The following SQLE variants were observed in gnomAD, a reference collection of about 807,000 sequenced individuals.
The protein encoded by SQLE is squalene monooxygenase.
Under a neutral mutation model 60.7 loss-of-function variants are expected in SQLE, and 29 were observed. That is an observed-to-expected ratio of 0.48 (90% CI 0.36 to 0.65). The LOEUF is 0.65. Among genes scored for constraint, SQLE ranks in the 30% least tolerant of loss-of-function variants. SQLE has a pLI of 0.00. For synonymous variants in SQLE, 237 were observed against 246.8 expected (o/e 0.96, Z 0.37); for missense variants, 605 against 684.1 (o/e 0.88, Z 1.29).
intron 3 of SQLE, 121 bp from the exon 4 acceptor site, chr8:125,007,270 C>T (rs1183704501): frequency 1.9e-6 from 1 of 529,288 alleles, no homozygotes; most frequent in African/African-American, 1.9e-5. Context: ...ACACATTGGA[C>T]ACGTGTTTGC....
chr8:125,001,363 A>G (rs1814845656), intron 1 of SQLE, among the ~76,000 whole-genome samples: 1 of 151,308 alleles, frequency 6.6e-6, no homozygotes, highest in Non-Finnish European at 1.5e-5. Context: ...TTAGATTGTG[A>G]TCTATTGACT....
At chr8:125,001,452 GT>G (rs1814849227) in intron 1 of SQLE, among the ~76,000 whole-genome samples, 1 of 108,006 alleles carries the variant, frequency 9.3e-6, no homozygotes, top group African/African-American at 3.4e-5. Flanking sequence ...CTTTCAGGGT[GT>G]GTGTGTGTGT....
At chr8:125,006,644 A>C (rs915802251) in intron 3 of SQLE, among the ~76,000 whole-genome samples, 2 of 151,502 alleles carry the variant, frequency 1.3e-5, no homozygotes, top group African/African-American at 4.8e-5. Flanking sequence ...AAGAAAATGG[A>C]AAAATAGTCC....
chr8:124,999,524 G>T lies in SQLE; in HGVS notation c.121G>T (p.Val41Leu), dbSNP rs1814806380. ...CVLVFLSLGL[V>L]LSYRCRHRNG... The stretch of plus-strand genomic sequence containing the variant: ...GCTGGTGTTCCTCTCGCTGGGCCTG[G>T]TGCTCTCCTACCGCTGTCGCCACCG... Residue 41 changes from valine (V) to leucine (L), a missense_variant, in exon 1 of 11, where the codon GTG (valine) becomes TTG (leucine). Transcript: ENST00000265896. The T allele has an allele frequency of 6.2e-7, 1 of 1,612,274 alleles. No homozygotes were observed. Among genetic ancestry groups the T allele is most frequent in the South Asian group, 1.1e-5 (1 of 90,754 alleles).
intron 4 of SQLE, among the ~76,000 whole-genome samples, chr8:125,008,397 C>CT (rs1353507813): frequency 1.3e-5 from 2 of 152,032 alleles, no homozygotes; most frequent in South Asian, 2.1e-4. Flanking sequence ...CCAATTTTTC[C>CT]TTTTTTTAAA....
In SQLE at chr8:125,003,314, A is replaced by G. The variant is rs755852585; in HGVS notation, c.430A>G (p.Arg144Gly). The G allele has an allele frequency of 1.9e-5, 31 of 1,614,006 alleles. No individual in the cohort carries two copies. The highest frequency in any genetic ancestry group is 2.5e-5 in the Non-Finnish European group (30 of 1,179,894). Reference sequence around the variant, plus strand: ...CTCTGCTTTGGCAGCTGTGCTTTCCAGAGATGGAAGAAAGGTGACAGTCAT... The same window carrying G: ...CTCTGCTTTGGCAGCTGTGCTTTCCGGAGATGGAAGAAAGGTGACAGTCAT... ...LGSALAAVLS[R>G]DGRKVTVIER... is the part of the protein sequence containing the mutation. Residue 144 changes from arginine (R) to glycine (G), a missense_variant, in exon 2 of 11, where the codon AGA (arginine) becomes GGA (glycine). Physicochemically the swap from Arg to Gly is moderately radical, Grantham distance 125 (BLOSUM62 -2). Coordinates refer to ENST00000265896, the MANE Select transcript of SQLE (RefSeq NM_003129.4).
Position 125,009,343 on chromosome 8 carries a change from G to A in SQLE, c.1108G>A (p.Asp370Asn). The change falls in exon 6 of 11, where the codon GAT (aspartate) becomes AAT (asparagine). Residue 370 changes from aspartate to asparagine, a missense_variant and splice_region_variant. Asp to Asn is a conservative substitution (Grantham distance 23). Coordinates refer to ENST00000265896, the MANE Select transcript of SQLE (RefSeq NM_003129.4). ...TGAAAAAATTTACCCACAAATACCT[G>A]GTAAGAAATAGCATCTTCAGTTCTT... The part of the protein sequence containing the change: ...MVEKIYPQIP[D>N]HLKEPFLEAT... 1.2e-6 allele frequency: 2 copies of A among 1,608,876 alleles called. No homozygotes were observed. Among genetic ancestry groups the A allele is most frequent in the South Asian group, 1.1e-5 (1 of 90,166 alleles).
intron 1 of SQLE, among the ~76,000 whole-genome samples, chr8:125,001,252 A>G (rs1814843764): frequency 1.3e-5 from 2 of 151,996 alleles, no homozygotes; most frequent in South Asian, 4.1e-4. Context: ...CTGTGTAGAG[A>G]AATTTTGGAG....
chr8:125,016,324 TTTCAA>T lies in SQLE; in HGVS notation c.1205-1734_1205-1730del, dbSNP rs1174525664. 2.6e-5 allele frequency among the ~76,000 whole-genome samples: 4 copies of T among 152,124 alleles called. No individual in the cohort carries two copies. On this transcript the variant is annotated intron_variant, in intron 7 of 10. Transcript: ENST00000265896. The surrounding 1 kb of genome is among the most constrained non-coding windows in gnomAD (Gnocchi z 4.1). Reference sequence around the variant, plus strand: ...TTTTTCTTTTGTCTCCTCTGTGTATTTTCAAATAGCCTGTTTTCAAGCTTACTAAT... The same window carrying T: ...TTTTTCTTTTGTCTCCTCTGTGTATTATAGCCTGTTTTCAAGCTTACTAAT...
intron 1 of SQLE, 180 bp downstream of exon 1, chr8:124,999,874 T>C (rs1206692143): frequency 1.2e-6 from 1 of 814,446 alleles, no homozygotes; most frequent in African/African-American, 1.7e-5. Context: ...TTCTTAAGAA[T>C]GAGTGAAGAC....
rs1304916037 is a variant in SQLE, at chr8:125,006,828, C to T, written c.726-563C>T. 2.6e-5 allele frequency among the ~76,000 whole-genome samples: 4 copies of T among 151,544 alleles called. No homozygotes were observed. The East Asian group carries it at 6.0e-4, about 23-fold the overall frequency. On this transcript the variant is annotated intron_variant, in intron 3 of 10. Coordinates refer to ENST00000265896, the MANE Select transcript of SQLE (RefSeq NM_003129.4). ...CAAGCAATTCTCCTGCCTCAGCCTC[C>T]CGAGTAGCTGGGATTACAGGCACAT... is the stretch of plus-strand genomic sequence containing the variant.
At chr8:125,009,452 C>A in intron 6 of SQLE, 109 bp downstream of exon 6, 2 of 1,104,258 alleles carry the variant, frequency 1.8e-6, no homozygotes, top group Non-Finnish European at 1.2e-6. Context: ...TGGAACTGAA[C>A]TATTTAAACT....
At chr8:125,007,548 A>AC in intron 4 of SQLE, 61 bp downstream of exon 4, 1 of 1,170,900 alleles carries the variant, frequency 8.5e-7, no homozygotes, top group Non-Finnish European at 1.2e-6. Context: ...TTTTTCACTT[A>AC]CCCCTTTAAA....
chr8:125,020,870 G>A lies in SQLE; in HGVS notation c.1531G>A (p.Val511Ile), dbSNP rs1194387674. 1.2e-6 allele frequency: 2 copies of A among 1,611,636 alleles called. No individual in the cohort carries two copies. The highest frequency in any genetic ancestry group is 1.3e-5 in the African/African-American group (1 of 74,870). ...TGCGGGTCCTGTTGGGCTGCTTTCT[G>A]TGTAAGTTGTGATGGCACAGAGGAT... ...CVAGPVGLLS[V>I]LSPNPLVLIG... Residue 511 changes from valine to isoleucine, a missense_variant and splice_region_variant, in exon 10 of 11, where the codon GTA becomes ATA. Val to Ile is a conservative substitution (Grantham distance 29). Transcript: ENST00000265896.
chr8:125,015,901 A>C (rs6470327), intron 7 of SQLE, among the ~76,000 whole-genome samples: 1 of 151,904 alleles, frequency 6.6e-6, no homozygotes, highest in Non-Finnish European at 1.5e-5. Context: ...CTTTTCCTTC[A>C]GCACTTTCAG....
chr8:125,011,089 G>A (rs1473107942), intron 6 of SQLE: 1 of 152,202 alleles, frequency 6.6e-6, no homozygotes, highest in African/African-American at 2.4e-5. Flanking sequence ...AGGTAGGGCT[G>A]GCCTCGAATT....
chr8:125,018,913 A>G, intron 9 of SQLE, 186 bp downstream of exon 9: 1 of 551,138 alleles, frequency 1.8e-6, no homozygotes. Flanking sequence ...TTTGGAAGGT[A>G]GTGGAATTTC....
At position 125,005,701 on chromosome 8, in the gene SQLE, C is replaced by A. The variant is rs1236078090; in HGVS notation, c.721C>A (p.Pro241Thr). ...TCTCCGGAAAGCAGCTATGGCAGAG[C>A]CCAAGTAAGACCACAGTTTCAAATA... is the stretch of plus-strand genomic sequence containing the variant. Reference protein sequence around the residue: ...MSLRKAAMAEPNAKFIEGVVL... With the variant: ...MSLRKAAMAETNAKFIEGVVL... Residue 241 changes from proline (P) to threonine (T), a missense_variant, in exon 3 of 11, where the codon CCC (proline) becomes ACC (threonine). Coordinates refer to ENST00000265896, the MANE Select transcript of SQLE (RefSeq NM_003129.4). The A allele has an allele frequency of 1.3e-6, 2 of 1,565,436 alleles. No individual in the cohort carries two copies. The highest frequency in any genetic ancestry group is 1.7e-6 in the Non-Finnish European group (2 of 1,148,914).
Position 125,009,279 on chromosome 8 carries a change from T to C in SQLE, c.1044T>C (p.Ile348=), listed in dbSNP as rs757735547. ...SSSETRVLVD[I]RGEMPRNLRE... The stretch of plus-strand genomic sequence containing the variant: ...GTGAAACTCGAGTACTTGTTGACAT[T>C]AGAGGAGAAATGCCAAGGAATTTAA... The change falls in exon 6 of 11, where the codon ATT becomes ATC. Residue 348 remains isoleucine (I), a synonymous_variant. Transcript: ENST00000265896. The C allele has an allele frequency of 6.2e-7, 1 of 1,613,828 alleles. No homozygotes were observed. The highest frequency in any genetic ancestry group is 8.5e-7 in the Non-Finnish European group (1 of 1,179,874).
Sources: allele counts gnomAD v4.1 joint callset (sites outside exome capture counted in the v4.1 genomes callset), GRCh38; gene constraint gnomAD v4.1.1; non-coding constraint Gnocchi (gnomAD v3.1); transcripts MANE v1.5; gene names NCBI Gene and HGNC (gene_info 2026-07-23, HGNC 2026-07-21).